KCTD3: variants seen among roughly 807,000 people sequenced by gnomAD.
The protein encoded by KCTD3 is potassium channel tetramerization domain containing 3.
A neutral mutation model predicts 85.8 loss-of-function variants in KCTD3; 41 were observed. The observed-to-expected ratio is 0.48, with a 90% CI of 0.37 to 0.62. KCTD3 has a LOEUF of 0.62. Ranked by LOEUF, KCTD3 falls within the 20% of genes least tolerant of loss-of-function variation. The pLI, the probability that KCTD3 is intolerant of heterozygous loss-of-function variation, is 0.00. For synonymous variants in KCTD3, 338 were observed against 345.4 expected (o/e 0.98, Z 0.24); for missense variants, 724 against 989.9 (o/e 0.73, Z 3.60).
chr1:215,601,391 A>C (rs1057060302), intron 10 of KCTD3, among the ~76,000 whole-genome samples: 6 of 152,244 alleles, frequency 3.9e-5, no homozygotes, highest in Non-Finnish European at 8.8e-5. Flanking sequence ...CAGAGAAATA[A>C]TAAATTATCA....
At chr1:215,617,960 G>A (rs1655521028) in intron 15 of KCTD3, 1 of 231,538 alleles carries the variant, frequency 4.3e-6, no homozygotes, top group Admixed American at 4.7e-5. Context: ...TTGTTCTACA[G>A]TTTATCATTC....
At chr1:215,592,433 C>T (rs1278269986) in intron 9 of KCTD3, among the ~76,000 whole-genome samples, 2 of 151,394 alleles carry the variant, frequency 1.3e-5, no homozygotes, top group South Asian at 2.1e-4. Context: ...CTATCGTGAT[C>T]GACAGCTTAA....
In KCTD3 at chr1:215,595,371, G is replaced by A. The variant is rs1423214512; in HGVS notation, c.833G>A (p.Gly278Asp). 1 of 1,609,142 alleles carries A rather than the reference G, an allele frequency of 6.2e-7. No homozygotes were observed. The highest frequency in any genetic ancestry group is 1.7e-5 in the Admixed American group (1 of 59,990). The change falls in exon 10 of 18, where the codon GGT becomes GAT. Residue 278 changes from glycine to aspartate, a missense_variant. Gly to Asp is a moderately conservative substitution (Grantham distance 94, BLOSUM62 -1). Transcript: ENST00000259154. ...SGSEIGVFSL[G>D]VPVDALFFIG... ...GTCATTTAAGGAGTGTTCAGCCTGG[G>A]TGTTCCTGTAGATGCTCTCTTCTTT...
At chr1:215,589,345 A>G (rs1252430953) in intron 9 of KCTD3, among the ~76,000 whole-genome samples, 1 of 151,926 alleles carries the variant, frequency 6.6e-6, no homozygotes, top group Non-Finnish European at 1.5e-5. Flanking sequence ...GGGTCTCACT[A>G]TGTTGCCCAG....
In KCTD3 at chr1:215,621,438, CAA is replaced by C. The variant is rs1327828231; in HGVS notation, c.*821_*822del. 2.0e-5 allele frequency: 3 copies of C among 151,936 alleles called. No individual in the cohort carries two copies. The highest frequency in any genetic ancestry group is 4.4e-5 in the Non-Finnish European group (3 of 67,952). The allele number at this position is 151,936 out of a possible 1,614,324, so 9.4% of individuals were successfully genotyped here. A position where few individuals can be genotyped will look rare whatever the true frequency, so the allele number is the denominator to read the frequency against. On this transcript the variant is annotated 3_prime_UTR_variant, in exon 18 of 18. Coordinates refer to ENST00000259154, the MANE Select transcript of KCTD3 (RefSeq NM_016121.5). ...CATGTTTTTTTTTCAGTGTTAACAA[CAA>C]TCATGATAATTAAATTAAAACACTA...
intron 10 of KCTD3, among the ~76,000 whole-genome samples, chr1:215,596,856 A>G (rs1158613007): frequency 6.6e-6 from 1 of 152,180 alleles, no homozygotes; most frequent in African/African-American, 2.4e-5. Context: ...CTGAAGACTG[A>G]AAGAATGGAG....
rs768831982 is a variant in KCTD3, at chr1:215,618,980, C to T, written c.1657C>T (p.Arg553Cys). Residue 553 changes from arginine to cysteine, a missense_variant, in exon 16 of 18, where the codon CGC becomes TGC. By Grantham distance (180) the Arg-to-Cys change is radical. Coordinates refer to ENST00000259154, the MANE Select transcript of KCTD3 (RefSeq NM_016121.5). ...CAGTAGGATGGGCTCAAGACCAAGGCGCTACTTGTTCACAGGCCATACAAA... is the reference window on the plus strand; with the variant it reads ...CAGTAGGATGGGCTCAAGACCAAGGTGCTACTTGTTCACAGGCCATACAAA... Reference protein sequence around the residue: ...GSSRMGSRPRRYLFTGHTNGS... With the variant: ...GSSRMGSRPRCYLFTGHTNGS... 3.1e-6 allele frequency: 5 copies of T among 1,613,784 alleles called. No homozygotes were observed. The highest frequency in any genetic ancestry group is 1.7e-6 in the Non-Finnish European group (2 of 1,179,798).
Position 215,620,688 on chromosome 1 carries a change from A to T in KCTD3, c.*70A>T, listed in dbSNP as rs1031272117. 1.1e-5 allele frequency: 12 copies of T among 1,116,320 alleles called. No individual in the cohort carries two copies. The highest frequency in any genetic ancestry group is 1.5e-5 in the Non-Finnish European group (12 of 786,606). 69.2% of individuals were successfully genotyped at this position (1,116,320 alleles called of 1,614,324 possible). Reference sequence around the variant, plus strand: ...GTTAAACTTTACTGAATTTCAGTACATTAGTTTTTACACTAAAACTTTACA... The same window carrying T: ...GTTAAACTTTACTGAATTTCAGTACTTTAGTTTTTACACTAAAACTTTACA... On this transcript the variant is annotated 3_prime_UTR_variant, in exon 18 of 18. Transcript: ENST00000259154.
chr1:215,599,429 T>C (rs1474569381), intron 10 of KCTD3, among the ~76,000 whole-genome samples: 1 of 152,198 alleles, frequency 6.6e-6, no homozygotes, highest in Non-Finnish European at 1.5e-5. Context: ...TCTAGGGGCC[T>C]TATATGGGAA....
In KCTD3 at chr1:215,602,065, T is replaced by G; in HGVS notation, c.1022-20T>G. 6.7e-7 allele frequency: 1 copy of G among 1,490,096 alleles called. No homozygotes were observed. Among genetic ancestry groups the G allele is most frequent in the Non-Finnish European group, 9.3e-7 (1 of 1,076,684 alleles). The allele number at this position is 1,490,096 out of a possible 1,614,324, so 92.3% of individuals were successfully genotyped here. A position where few individuals can be genotyped will look rare whatever the true frequency, so the allele number is the denominator to read the frequency against. ...GATATGCTATTTATTTTAATGCTGT[T>G]TAAAATTTTTATGTTTTAGATATGC... On this transcript the variant is annotated intron_variant, in intron 11 of 17. Coordinates refer to ENST00000259154, the MANE Select transcript of KCTD3 (RefSeq NM_016121.5).
chr1:215,577,463 T>C (rs1285386197), intron 4 of KCTD3, among the ~76,000 whole-genome samples: 2 of 152,144 alleles, frequency 1.3e-5, no homozygotes, highest in African/African-American at 4.8e-5. Flanking sequence ...GGTTTTTAAG[T>C]AGATAACAGA....
chr1:215,568,741 A>G (rs1258335851), intron 1 of KCTD3, among the ~76,000 whole-genome samples: 3 of 152,220 alleles, frequency 2.0e-5, no homozygotes, highest in African/African-American at 2.4e-5. Flanking sequence ...TTAATGTCTT[A>G]GAACCATAGT....
intron 7 of KCTD3, 89 bp downstream of exon 7, chr1:215,579,226 C>T: frequency 9.6e-7 from 1 of 1,043,944 alleles, no homozygotes; most frequent in Non-Finnish European, 1.4e-6. Flanking sequence ...AAGATTTTTG[C>T]CTCATCTCCT....
rs140349105 is a variant in KCTD3 at position 215,576,369 on chromosome 1, A to G, written c.257+395A>G. On this transcript the variant is annotated intron_variant, in intron 4 of 17. Coordinates refer to ENST00000259154, the MANE Select transcript of KCTD3 (RefSeq NM_016121.5). ...CAGGAATGAGCCACTACGCCCAGCC[A>G]GAAAAGGTTTTTTTTTTTTTACTAA... 7.7e-3 allele frequency among the ~76,000 whole-genome samples: 1,167 copies of G among 151,442 alleles called. 24 individuals are homozygous for G. Among genetic ancestry groups the G allele is most frequent in the South Asian group, 0.067 (320 of 4,802 alleles).
intron 15 of KCTD3, chr1:215,618,476 A>G (rs1655538596): frequency 6.0e-6 from 1 of 167,322 alleles, no homozygotes; most frequent in African/African-American, 2.4e-5. Flanking sequence ...CTTTTGAAGT[A>G]GGCTGGGATA....
At chr1:215,593,880 A>C (rs947660725) in intron 9 of KCTD3, among the ~76,000 whole-genome samples, 1 of 85,902 alleles carries the variant, frequency 1.2e-5, no homozygotes, top group Non-Finnish European at 2.1e-5. Context: ...TTTTTTTTTG[A>C]GACAGTGTCT....
rs1655623780 is a variant in KCTD3 at position 215,620,394 on chromosome 1, T to A, written c.2224T>A (p.Ser742Thr). The change falls in exon 18 of 18, where the codon TCA becomes ACA. Residue 742 changes from serine to threonine, a missense_variant. Physicochemically the swap from Ser to Thr is moderately conservative, Grantham distance 58. Around this residue, in one of 6 missense-constraint regions of KCTD3, gnomAD observed 222 missense variants for 217.7 expected, o/e 1.02. Transcript: ENST00000259154. Reference protein sequence around the residue: ...AEGFSESKKRSSEDENENKIE... With the variant: ...AEGFSESKKRTSEDENENKIE... ...AGGTTTTTCAGAATCCAAGAAAAGG[T>A]CATCAGAAGATGAAAATGAAAATAA... 6.2e-7 allele frequency: 1 copy of A among 1,612,822 alleles called. No individual in the cohort carries two copies. Among genetic ancestry groups the A allele is most frequent in the Non-Finnish European group, 8.5e-7 (1 of 1,179,476 alleles).
chr1:215,587,927 T>G (rs993707239), intron 9 of KCTD3, among the ~76,000 whole-genome samples: 1 of 152,242 alleles, frequency 6.6e-6, no homozygotes, highest in Non-Finnish European at 1.5e-5. Context: ...CTACCAAATG[T>G]TGATACCTTT....
chr1:215,585,627 G>C (rs1659979138), intron 8 of KCTD3, among the ~76,000 whole-genome samples: 1 of 152,172 alleles, frequency 6.6e-6, no homozygotes, highest in African/African-American at 2.4e-5. Context: ...TTTAAAAATA[G>C]ATACTTCATA....
Sources: gnomAD v4.1 joint callset for allele counts (sites outside exome capture counted in the v4.1 genomes callset) on GRCh38, gnomAD v4.1.1 for gene constraint, gnomAD v4.1.1 regional missense constraint, MANE v1.5 for transcripts, NCBI Gene and HGNC (gene_info 2026-07-23, HGNC 2026-07-21) for gene names.